Variants in SYCE3 observed in about 807,000 individuals in gnomAD.
The protein encoded by SYCE3 is testis highly expressed gene 2 protein.
SYCE3 carries 3 observed loss-of-function variants against 8.1 expected under a neutral mutation model. The ratio of observed to expected loss-of-function variants is 0.37; its 90% confidence interval spans 0.17 to 0.96. The LOEUF (loss-of-function observed/expected upper bound fraction) is 0.96. Among genes scored for constraint, SYCE3 ranks in the 40% least tolerant of loss-of-function variants. The probability of loss-of-function intolerance (pLI) is 0.41; values close to 1 mark genes in which losing one functional copy is unlikely to be tolerated. For missense variants in SYCE3, 83 were observed against 110.0 expected (o/e 0.75, Z 1.10); for synonymous variants, 36 against 38.7 (o/e 0.93, Z 0.26).
At chr22:50,556,601 A>G (rs1423621248) in intron 1 of SYCE3, among the ~76,000 whole-genome samples, 196 bp from the exon 2 acceptor site, 2 of 152,238 alleles carry the variant, frequency 1.3e-5, no homozygotes, top group East Asian at 3.8e-4. Flanking sequence ...CATTCGGCAC[A>G]TATAAGTTGT....
At chr22:50,560,318 C>T (rs1225615434) in intron 1 of SYCE3, among the ~76,000 whole-genome samples, 2 of 152,024 alleles carry the variant, frequency 1.3e-5, no homozygotes, top group Non-Finnish European at 2.9e-5. Context: ...GGGCAACAGT[C>T]TCTACAAAAA....
chr22:50,553,803 A>G (rs5770778), intron 2 of SYCE3, among the ~76,000 whole-genome samples: 117,396 of 152,034 alleles, frequency 0.77, 45,686 homozygotes, highest in East Asian at 0.99. Flanking sequence ...GGCTGGTCTC[A>G]AACTCCTGAC....
intron 2 of SYCE3, among the ~76,000 whole-genome samples, chr22:50,553,726 G>A (rs1300445902): frequency 6.6e-6 from 1 of 152,078 alleles, no homozygotes; most frequent in Non-Finnish European, 1.5e-5. Context: ...GGGATTCCAG[G>A]CATCCACCAA....
chr22:50,552,453 C>G (rs1315987661), intron 2 of SYCE3, among the ~76,000 whole-genome samples: 1 of 151,908 alleles, frequency 6.6e-6, no homozygotes, highest in African/African-American at 2.4e-5. Context: ...GAGATTGAGA[C>G]CATCCTGGCC....
intron 1 of SYCE3, among the ~76,000 whole-genome samples, chr22:50,556,911 C>T (rs368743444): frequency 2.0e-5 from 3 of 152,150 alleles, no homozygotes; most frequent in East Asian, 1.9e-4. Flanking sequence ...AGACATCAAG[C>T]GATGGGAGCC....
In SYCE3 at chr22:50,556,312, T is replaced by A. The variant is rs572509894; in HGVS notation, c.94A>T (p.Met32Leu). The A allele has an allele frequency of 1.3e-6, 2 of 1,551,260 alleles. No homozygotes were observed. Among genetic ancestry groups the A allele is most frequent in the African/African-American group, 2.7e-5 (2 of 73,168 alleles). ...NKDLEKLLEE[M>L]EKISVQATWM... The stretch of plus-strand genomic sequence containing the variant: ...CACATCCTACCTGAGATTTTCTCCA[T>A]CTCTTCTAATAGCTTTTCCAAGTCC... The change falls in exon 2 of 3, where the codon ATG (methionine) becomes TTG (leucine). Residue 32 changes from methionine to leucine, a missense_variant. By Grantham distance (15) the Met-to-Leu change is conservative. Coordinates refer to ENST00000406915, the MANE Select transcript of SYCE3 (RefSeq NM_001123225.3).
chr22:50,558,312 C>T (rs1469498130), intron 1 of SYCE3, among the ~76,000 whole-genome samples: 1 of 151,880 alleles, frequency 6.6e-6, no homozygotes, highest in African/African-American at 2.4e-5. Context: ...ATCCCAGCTA[C>T]TGGGATTACT....
Position 50,551,416 on chromosome 22 carries a change from A to G in SYCE3, c.110-14T>C, listed in dbSNP as rs776374846. Reference sequence around the variant, plus strand: ...AGGTCGCCTGCACTGCAACAAGCAGACAGGACTGGTCAGGCCACAGGGAGG... The same window carrying G: ...AGGTCGCCTGCACTGCAACAAGCAGGCAGGACTGGTCAGGCCACAGGGAGG... On this transcript the variant is annotated splice_polypyrimidine_tract_variant and intron_variant, in intron 2 of 2. Coordinates refer to ENST00000406915, the MANE Select transcript of SYCE3 (RefSeq NM_001123225.3). 25 of 1,546,330 alleles carry G rather than the reference A, an allele frequency of 1.6e-5. No individual in the cohort carries two copies. The highest frequency in any genetic ancestry group is 8.7e-7 in the Non-Finnish European group (1 of 1,145,580).
rs1427594316 is a variant in SYCE3 at position 50,551,331 on chromosome 22, G to A, written c.181C>T (p.Arg61Trp). The stretch of plus-strand genomic sequence containing the variant: ...CAGTTGACGAAGGCATCCTCCAGCC[G>A]ACGCATGGACTCGGCCAGCGTAGGG... ...TNPTLAESMR[R>W]LEDAFVNCKE... Residue 61 changes from arginine to tryptophan, a missense_variant, in exon 3 of 3, where the codon CGG (arginine) becomes TGG (tryptophan). Coordinates refer to ENST00000406915, the MANE Select transcript of SYCE3 (RefSeq NM_001123225.3). 1.8e-5 allele frequency: 28 copies of A among 1,551,286 alleles called. No individual in the cohort carries two copies. The highest frequency in any genetic ancestry group is 2.3e-5 in the Non-Finnish European group (26 of 1,146,974).
At chr22:50,558,866 T>C (rs1360664531) in intron 1 of SYCE3, among the ~76,000 whole-genome samples, 3 of 152,208 alleles carry the variant, frequency 2.0e-5, no homozygotes, top group Non-Finnish European at 4.4e-5. Flanking sequence ...TCTCTGACAT[T>C]CACTGACAAT....
At chr22:50,554,990 C>T (rs1347703071) in intron 2 of SYCE3, among the ~76,000 whole-genome samples, 3 of 151,576 alleles carry the variant, frequency 2.0e-5, no homozygotes, top group African/African-American at 4.8e-5. Context: ...GGCGTGGTGG[C>T]GGGCGCCTGT....
At chr22:50,555,257 C>T (rs772606058) in intron 2 of SYCE3, among the ~76,000 whole-genome samples, 3 of 152,250 alleles carry the variant, frequency 2.0e-5, no homozygotes, top group East Asian at 1.9e-4. Flanking sequence ...TTAACTGATA[C>T]GTGTCTCAGC....
At chr22:50,558,483 T>G (rs966701028) in intron 1 of SYCE3, among the ~76,000 whole-genome samples, 2 of 151,542 alleles carry the variant, frequency 1.3e-5, no homozygotes, top group Non-Finnish European at 2.9e-5. Context: ...CCGTCCTCCC[T>G]GTTAAGGGTA....
intron 1 of SYCE3, 53 bp from the exon 2 acceptor site, chr22:50,556,458 C>A: frequency 1.6e-6 from 2 of 1,263,756 alleles, no homozygotes; most frequent in South Asian, 1.3e-5. Flanking sequence ...ATTTCAAATC[C>A]AGCTCCACTG....
intron 1 of SYCE3, among the ~76,000 whole-genome samples, chr22:50,558,112 G>A (rs913847400): frequency 1.3e-5 from 2 of 152,134 alleles, no homozygotes; most frequent in African/African-American, 2.4e-5. Flanking sequence ...CCATTGTAAA[G>A]CTCTAATTCT....
At position 50,551,419 on chromosome 22, in the gene SYCE3, G is replaced by A. The variant is rs1352757281; in HGVS notation, c.110-17C>T. On this transcript the variant is annotated splice_polypyrimidine_tract_variant and intron_variant, in intron 2 of 2. Coordinates refer to ENST00000406915, the MANE Select transcript of SYCE3 (RefSeq NM_001123225.3). ...TCGCCTGCACTGCAACAAGCAGACA[G>A]GACTGGTCAGGCCACAGGGAGGGGC... The A allele has an allele frequency of 6.5e-7, 1 of 1,543,960 alleles. No individual in the cohort carries two copies.
chr22:50,560,186 T>G (rs2069900521), intron 1 of SYCE3, among the ~76,000 whole-genome samples: 1 of 152,154 alleles, frequency 6.6e-6, no homozygotes, highest in Admixed American at 6.5e-5. Context: ...ATTACACCAG[T>G]GTCAAAGATT....
Position 50,551,408 on chromosome 22 carries a change from AC to A in SYCE3, c.110-7del. On this transcript the variant is annotated splice_region_variant and splice_polypyrimidine_tract_variant and intron_variant, in intron 2 of 2. Coordinates refer to ENST00000406915, the MANE Select transcript of SYCE3 (RefSeq NM_001123225.3). The stretch of plus-strand genomic sequence containing the variant: ...GGCCATCCAGGTCGCCTGCACTGCA[AC>A]AAGCAGACAGGACTGGTCAGGCCAC... 6.5e-7 allele frequency: 1 copy of A among 1,547,944 alleles called. No homozygotes were observed. Among genetic ancestry groups the A allele is most frequent in the South Asian group, 1.2e-5 (1 of 84,052 alleles).
intron 2 of SYCE3, among the ~76,000 whole-genome samples, chr22:50,553,867 C>T (rs1382941784): frequency 6.6e-6 from 1 of 152,114 alleles, no homozygotes; most frequent in Non-Finnish European, 1.5e-5. Flanking sequence ...AGGTGTGAGC[C>T]ACCGTGCCCA....
Sources: allele counts gnomAD v4.1 joint callset (sites outside exome capture counted in the v4.1 genomes callset), GRCh38; gene constraint gnomAD v4.1.1; transcripts MANE v1.5; gene names NCBI Gene and HGNC (gene_info 2026-07-23, HGNC 2026-07-21).